FARS2: variants seen among roughly 807,000 people sequenced by gnomAD.
The protein encoded by FARS2 is phenylalanine--tRNA ligase, mitochondrial.
Under a neutral mutation model 46.4 loss-of-function variants are expected in FARS2, and 40 were observed. That is an observed-to-expected ratio of 0.86 (90% confidence interval 0.67 to 1.12). The LOEUF (loss-of-function observed/expected upper bound fraction) is 1.12, where lower values mean the gene tolerates loss of function less well. Ranked by LOEUF, FARS2 falls within the 50% of genes most tolerant of loss-of-function variation. The probability of loss-of-function intolerance (pLI) is 0.00; values close to 1 mark genes in which losing one functional copy is unlikely to be tolerated. For synonymous variants in FARS2, 234 were observed against 214.9 expected, an observed-to-expected ratio of 1.09 and a Z score of -0.78; for missense variants, 513 against 567.9, an observed-to-expected ratio of 0.90 and a Z score of 0.98.
chr6:5,353,370 C>A (rs1367644617), intron 1 of FARS2, among the ~76,000 whole-genome samples: 9 of 152,270 alleles, frequency 5.9e-5, no homozygotes, highest in Admixed American at 5.2e-4. Flanking sequence ...CATGGGAGTG[C>A]AGATATATCT....
chr6:5,731,381 A>G (rs113074206), intron 6 of FARS2, among the ~76,000 whole-genome samples: 8,154 of 151,628 alleles, frequency 0.054, 741 homozygotes, highest in African/African-American at 0.19. Flanking sequence ...CTCCTCTGTG[A>G]GGCTGTCTCC....
At chr6:5,280,799 A>G (rs1172707485) in intron 1 of FARS2, among the ~76,000 whole-genome samples, 1 of 152,018 alleles carries the variant, frequency 6.6e-6, no homozygotes, top group African/African-American at 2.4e-5. Flanking sequence ...ATGTAGGTTT[A>G]CAGTAAATTA....
At chr6:5,545,423 G>A in intron 5 of FARS2, 83 bp downstream of exon 5, 2 of 964,446 alleles carry the variant, frequency 2.1e-6, no homozygotes, top group Non-Finnish European at 3.0e-6. Context: ...GAAAGCCACT[G>A]AATTTTATTT....
At chr6:5,449,519 A>G (rs1413768555) in intron 4 of FARS2, among the ~76,000 whole-genome samples, 1 of 152,190 alleles carries the variant, frequency 6.6e-6, no homozygotes, top group Non-Finnish European at 1.5e-5. Context: ...TAAATTTACT[A>G]GAATTCATTG....
At chr6:5,732,280 C>T (rs946213518) in intron 6 of FARS2, among the ~76,000 whole-genome samples, 33 of 152,050 alleles carry the variant, frequency 2.2e-4, no homozygotes, top group Non-Finnish European at 2.4e-4. Context: ...AGGTACGTGT[C>T]GGTGATATGG....
At chr6:5,693,905 C>T (rs1757931075) in intron 6 of FARS2, among the ~76,000 whole-genome samples, 1 of 152,218 alleles carries the variant, frequency 6.6e-6, no homozygotes. Context: ...GGAAGCTCCG[C>T]TATCTTTGTC....
intron 5 of FARS2, among the ~76,000 whole-genome samples, chr6:5,586,564 T>C (rs1388409122): frequency 1.3e-5 from 2 of 152,214 alleles, no homozygotes; most frequent in Non-Finnish European, 2.9e-5. Flanking sequence ...TGTATGGTCT[T>C]TTTAATGTGC....
chr6:5,580,144 G>T (rs879736867), intron 5 of FARS2, among the ~76,000 whole-genome samples: 1 of 151,694 alleles, frequency 6.6e-6, no homozygotes, highest in Admixed American at 6.6e-5. Context: ...ACAAAAATTA[G>T]CCGGGCGTGG....
At chr6:5,324,941 G>T (rs774316793) in intron 1 of FARS2, among the ~76,000 whole-genome samples, 3 of 151,998 alleles carry the variant, frequency 2.0e-5, no homozygotes, top group South Asian at 2.1e-4. Context: ...CATCCCTGCC[G>T]CAGGAAAGAG....
Position 5,771,493 on chromosome 6 carries a change from A to T in FARS2, c.*64A>T. The T allele has an allele frequency of 6.5e-7, 1 of 1,543,566 alleles. No individual in the cohort carries two copies. Among genetic ancestry groups the T allele is most frequent in the Non-Finnish European group, 8.7e-7 (1 of 1,143,356 alleles). On this transcript the variant is annotated 3_prime_UTR_variant, in exon 7 of 7. Transcript: ENST00000274680. The stretch of plus-strand genomic sequence containing the variant: ...CCAGGATTTGCTGAAAGAGAAAAAG[A>T]TATGGTTTGTGAACTGGGGCATCAA...
intron 4 of FARS2, among the ~76,000 whole-genome samples, chr6:5,509,712 C>T (rs950439260): frequency 5.3e-5 from 8 of 152,122 alleles, no homozygotes; most frequent in East Asian, 1.9e-4. Context: ...AAAGACTGAG[C>T]GTGGGGACTG....
intron 5 of FARS2, chr6:5,610,118 A>T (rs968596994): frequency 9.1e-7 from 1 of 1,102,010 alleles, no homozygotes; most frequent in Non-Finnish European, 1.4e-6. Context: ...TCAGGCTCTC[A>T]TTGGTTGTTT....
chr6:5,717,908 C>CTATATATATATATA (rs58922507), intron 6 of FARS2, among the ~76,000 whole-genome samples: 9 of 77,722 alleles, frequency 1.2e-4, no homozygotes, highest in African/African-American at 2.9e-4. Flanking sequence ...AAGGTATCAG[C>CTATATATATATATA]TATATATATA....
chr6:5,444,560 C>A (rs995824101), intron 4 of FARS2, among the ~76,000 whole-genome samples: 1 of 147,938 alleles, frequency 6.8e-6, no homozygotes, highest in Admixed American at 6.7e-5. Context: ...AGTCTCAGGT[C>A]GAAGACTCTG....
intron 1 of FARS2, among the ~76,000 whole-genome samples, chr6:5,324,256 A>C (rs931723629): frequency 6.6e-6 from 1 of 152,192 alleles, no homozygotes; most frequent in African/African-American, 2.4e-5. Flanking sequence ...AAAATTATTT[A>C]GAAGAGAGAG....
chr6:5,405,701 C>G (rs1031721521), intron 3 of FARS2, among the ~76,000 whole-genome samples: 1 of 151,814 alleles, frequency 6.6e-6, no homozygotes, highest in African/African-American at 2.4e-5. Context: ...ACCGTGTTTG[C>G]CAAGATGGTC....
the FARS2 span, among the ~76,000 whole-genome samples, chr6:5,254,901 G>A: frequency 2.0e-5 from 3 of 152,010 alleles, no homozygotes; most frequent in Admixed American, 6.6e-5. Context: ...GGGAGGTGGA[G>A]GGGGTATCTC....
At chr6:5,507,923 G>A (rs75642905) in intron 4 of FARS2, among the ~76,000 whole-genome samples, 4,424 of 152,322 alleles carry the variant, frequency 0.029, 207 homozygotes, top group African/African-American at 0.1. Context: ...CCCCGAGGTA[G>A]GAGAAGGTTT....
chr6:5,395,947 G>A (rs1316972056), intron 2 of FARS2, among the ~76,000 whole-genome samples: 3 of 152,104 alleles, frequency 2.0e-5, no homozygotes, highest in African/African-American at 7.2e-5. Context: ...TAATGTTATG[G>A]TTTTGTTTTA....
Sources: allele counts gnomAD v4.1 joint callset (sites outside exome capture counted in the v4.1 genomes callset), GRCh38; gene constraint gnomAD v4.1.1; transcripts MANE v1.5; gene names NCBI Gene and HGNC (gene_info 2026-07-23, HGNC 2026-07-21).